LOC400499: variants seen among roughly 807,000 people sequenced by gnomAD.
the LOC400499 span, chr16:11,392,134 G>GC: frequency 2.5e-6 from 1 of 399,134 alleles, no homozygotes; most frequent in East Asian, 3.6e-5. Flanking sequence ...CTGGGGCCTC[G>GC]CAGGAATGAA....
chr16:11,383,718 AGGCT>A, the LOC400499 span: 1 of 1,232,456 alleles, frequency 8.1e-7, no homozygotes, highest in Non-Finnish European at 1.0e-6. Flanking sequence ...GGTTGCAGGC[AGGCT>A]GGAGCTCCTG....
chr16:11,474,087 GGACT>G, the LOC400499 span, among the ~76,000 whole-genome samples: 3 of 152,182 alleles, frequency 2.0e-5, no homozygotes, highest in Non-Finnish European at 4.4e-5. Flanking sequence ...TTGAACTCCT[GGACT>G]CAAGGAATCC....
chr16:11,396,092 C>G, the LOC400499 span, among the ~76,000 whole-genome samples: 1 of 152,218 alleles, frequency 6.6e-6, no homozygotes, highest in African/African-American at 2.4e-5. Context: ...AGGCACTGCT[C>G]TAAGCGATCT....
the LOC400499 span, among the ~76,000 whole-genome samples, chr16:11,464,705 C>T: frequency 6.6e-4 from 100 of 152,290 alleles, 2 homozygotes; most frequent in South Asian, 0.018. Context: ...CAGAAAGTTC[C>T]GGAGTTCCGG....
the LOC400499 span, chr16:11,487,427 A>G: frequency 2.5e-6 from 1 of 398,658 alleles, no homozygotes; most frequent in East Asian, 3.6e-5. Context: ...CTGTACACTC[A>G]CAGAGTGGGG....
At chr16:11,506,000 A>G in the LOC400499 span, among the ~76,000 whole-genome samples, 1 of 152,142 alleles carries the variant, frequency 6.6e-6, no homozygotes, top group Non-Finnish European at 1.5e-5. Flanking sequence ...ATTTGCACCC[A>G]TTAGTCAGCT....
chr16:11,385,418 T>C, the LOC400499 span: 2 of 1,232,254 alleles, frequency 1.6e-6, no homozygotes, highest in Non-Finnish European at 2.0e-6. Context: ...GGGCATGGTC[T>C]GGGTAGAAGC....
chr16:11,492,509 C>A, the LOC400499 span, among the ~76,000 whole-genome samples: 1 of 152,020 alleles, frequency 6.6e-6, no homozygotes, highest in Non-Finnish European at 1.5e-5. Flanking sequence ...GGTGGCCGGG[C>A]GCGGTGGCTC....
At chr16:11,421,609 G>C in the LOC400499 span, among the ~76,000 whole-genome samples, 1 of 152,080 alleles carries the variant, frequency 6.6e-6, no homozygotes, top group African/African-American at 2.4e-5. Context: ...TTACCATGTT[G>C]GCCAGGCTGA....
chr16:11,383,799 C>G, the LOC400499 span: 46 of 1,232,110 alleles, frequency 3.7e-5, no homozygotes, highest in Non-Finnish European at 4.5e-5. Flanking sequence ...ATCAGGGACA[C>G]CGAGTCACTG....
At chr16:11,455,969 A>G in the LOC400499 span, among the ~76,000 whole-genome samples, 2 of 152,076 alleles carry the variant, frequency 1.3e-5, no homozygotes, top group African/African-American at 4.8e-5. Context: ...TCACAGCCGA[A>G]TTCACTTTTA....
the LOC400499 span, among the ~76,000 whole-genome samples, chr16:11,458,785 A>C: frequency 2.0e-5 from 3 of 152,160 alleles, no homozygotes; most frequent in African/African-American, 7.2e-5. Context: ...CCTGTAACCC[A>C]GCACTTTGGG....
the LOC400499 span, chr16:11,407,250 C>T: frequency 2.5e-6 from 1 of 399,036 alleles, no homozygotes; most frequent in Non-Finnish European, 4.4e-6. Context: ...CCGGCCTTAG[C>T]AGCTACCTGC....
the LOC400499 span, among the ~76,000 whole-genome samples, chr16:11,408,541 T>TGCAGCC: frequency 6.7e-6 from 1 of 150,300 alleles, no homozygotes; most frequent in Non-Finnish European, 1.5e-5. Context: ...CACAGCTTAC[T>TGCAGCC]GCAGCCTCAA....
the LOC400499 span, among the ~76,000 whole-genome samples, chr16:11,517,747 G>T: frequency 3.9e-5 from 6 of 152,198 alleles, no homozygotes; most frequent in African/African-American, 1.4e-4. Flanking sequence ...TGGCAGAAAG[G>T]TGCCTGGGTC....
chr16:11,440,085 C>T, the LOC400499 span, among the ~76,000 whole-genome samples: 2 of 152,008 alleles, frequency 1.3e-5, no homozygotes, highest in Non-Finnish European at 2.9e-5. Flanking sequence ...TAAAAGCCCA[C>T]TAGATTGAAA....
chr16:11,459,823 G>C, the LOC400499 span: 1 of 1,245,836 alleles, frequency 8.0e-7, no homozygotes. Context: ...AGAGGGCCAT[G>C]TGGGGGTTCC....
At chr16:11,395,358 G>C in the LOC400499 span, among the ~76,000 whole-genome samples, 2 of 152,204 alleles carry the variant, frequency 1.3e-5, no homozygotes, top group African/African-American at 2.4e-5. Flanking sequence ...AAATAAATCG[G>C]GGATAGGGAA....
At chr16:11,414,764 A>G in the LOC400499 span, among the ~76,000 whole-genome samples, 64 of 152,290 alleles carry the variant, frequency 4.2e-4, 1 homozygote, top group South Asian at 0.012. Flanking sequence ...AAGTTGCTGA[A>G]ATGACACCTT....
Sources: gnomAD v4.1 joint callset for allele counts (sites outside exome capture counted in the v4.1 genomes callset) on GRCh38, gnomAD v4.1.1 for gene constraint, MANE v1.5 for transcripts.